The following FRMD4A variants were observed in gnomAD, a reference collection of about 807,000 sequenced individuals.
FRMD4A encodes FERM domain containing 4A, also known as FERM domain-containing protein 4A.
In FRMD4A, 29 loss-of-function variants were observed where a neutral mutation model predicts 129.1. The observed-to-expected ratio is 0.22, with a 90% CI of 0.17 to 0.31. The LOEUF is 0.31. FRMD4A is among the 10% of genes least tolerant of loss of function. The pLI, the probability that FRMD4A is intolerant of heterozygous loss-of-function variation, is 1.00. For synonymous variants in FRMD4A, 634 were observed against 571.6 expected, an observed-to-expected ratio of 1.11 and a Z score of -1.56; for missense variants, 1,272 against 1,375.8, an observed-to-expected ratio of 0.92 and a Z score of 1.19.
intron 2 of FRMD4A, among the ~76,000 whole-genome samples, chr10:14,226,471 T>C (rs965197807): frequency 6.6e-6 from 1 of 152,210 alleles, no homozygotes; most frequent in African/African-American, 2.4e-5. Context: ...ATGTACAGTC[T>C]CACAGTTCTG....
intron 2 of FRMD4A, among the ~76,000 whole-genome samples, chr10:13,905,158 C>T (rs1407519299): frequency 6.6e-6 from 1 of 152,040 alleles, no homozygotes; most frequent in East Asian, 1.9e-4. Flanking sequence ...AACAATAAAG[C>T]CCACTTTTTT....
At chr10:13,848,595 A>AGTGTGTGTGTGTACGT (rs1414355504) in intron 3 of FRMD4A, among the ~76,000 whole-genome samples, 1 of 134,286 alleles carries the variant, frequency 7.4e-6, no homozygotes, top group Non-Finnish European at 1.6e-5. Context: ...CCTGGGTGTG[A>AGTGTGTGTGTGTACGT]GTGTGTGTGT....
chr10:13,808,880 C>CA (rs2093400633), intron 4 of FRMD4A, among the ~76,000 whole-genome samples: 1 of 152,146 alleles, frequency 6.6e-6, no homozygotes, highest in African/African-American at 2.4e-5. Context: ...AAGGATGGCT[C>CA]ACTCCTCTTC....
chr10:13,967,059 C>A (rs927802303), intron 2 of FRMD4A, among the ~76,000 whole-genome samples: 1 of 152,200 alleles, frequency 6.6e-6, no homozygotes, highest in Non-Finnish European at 1.5e-5. Context: ...CACAACGGGC[C>A]GGGCGCGGTG....
intron 2 of FRMD4A, among the ~76,000 whole-genome samples, chr10:14,034,186 C>G (rs1426553733): frequency 1.3e-5 from 2 of 152,214 alleles, no homozygotes; most frequent in Non-Finnish European, 2.9e-5. Flanking sequence ...TGTACCCTGC[C>G]TTTCCCTAGA....
In FRMD4A at chr10:13,761,738, TATA is replaced by T; in HGVS notation, c.442-72_442-70del. 2.9e-6 allele frequency: 3 copies of T among 1,027,066 alleles called. No individual in the cohort carries two copies. The South Asian group carries it at 4.2e-5, about 14-fold the overall frequency. 63.6% of individuals were successfully genotyped at this position (1,027,066 alleles called of 1,614,324 possible). A position where few individuals can be genotyped will look rare whatever the true frequency, so the allele number is the denominator to read the frequency against. On this transcript the variant is annotated intron_variant, in intron 7 of 24. Transcript: ENST00000357447. ...ATGTTAGAGACTCTAAAGTACATTC[TATA>T]ATCATGAGAGTTTCTCTACTGAATG...
At chr10:14,245,880 T>A (rs1038768499) in intron 2 of FRMD4A, among the ~76,000 whole-genome samples, 2 of 152,138 alleles carry the variant, frequency 1.3e-5, no homozygotes, top group African/African-American at 4.8e-5. Context: ...ACAAGCTCCT[T>A]CCAGTGCGGG....
At chr10:14,093,932 T>C (rs971859371) in intron 2 of FRMD4A, among the ~76,000 whole-genome samples, 1 of 152,218 alleles carries the variant, frequency 6.6e-6, no homozygotes, top group Admixed American at 6.5e-5. Flanking sequence ...AAAGAAACCA[T>C]AGCTGGGAAG....
intron 2 of FRMD4A, among the ~76,000 whole-genome samples, chr10:14,203,573 A>C (rs1053344681): frequency 2.0e-5 from 3 of 152,206 alleles, no homozygotes; most frequent in Non-Finnish European, 2.9e-5. Flanking sequence ...ACAGACATTA[A>C]CTCGGCTAAA....
intron 6 of FRMD4A, among the ~76,000 whole-genome samples, chr10:13,780,354 G>A (rs553256814): frequency 6.6e-6 from 1 of 151,630 alleles, no homozygotes; most frequent in Non-Finnish European, 1.5e-5. Context: ...TCTTTTAGTC[G>A]CAGTTCCTAA....
intron 2 of FRMD4A, among the ~76,000 whole-genome samples, chr10:13,951,511 A>G (rs2095370207): frequency 6.6e-6 from 1 of 152,158 alleles, no homozygotes; most frequent in Admixed American, 6.5e-5. Flanking sequence ...AGGGCTGGAG[A>G]GTACAGATGA....
chr10:13,776,179 G>A (rs569295731), intron 6 of FRMD4A, among the ~76,000 whole-genome samples: 2 of 152,008 alleles, frequency 1.3e-5, no homozygotes, highest in Non-Finnish European at 2.9e-5. Flanking sequence ...CTGGACTCTT[G>A]GACTCACTGC....
intron 3 of FRMD4A, among the ~76,000 whole-genome samples, chr10:13,851,905 TAAAA>T (rs34091812): frequency 7.0e-6 from 1 of 142,676 alleles, no homozygotes; most frequent in African/African-American, 2.6e-5. Flanking sequence ...TCTCAAAAAT[TAAAA>T]AAAAAAAAAA....
intron 3 of FRMD4A, among the ~76,000 whole-genome samples, chr10:13,857,644 T>C (rs1215574805): frequency 1.3e-5 from 2 of 152,008 alleles, no homozygotes; most frequent in Non-Finnish European, 1.5e-5. Flanking sequence ...TGCATGCGAG[T>C]TTCCCCTTCG....
chr10:14,301,890 T>G (rs1225207099), intron 2 of FRMD4A, among the ~76,000 whole-genome samples: 1 of 152,024 alleles, frequency 6.6e-6, no homozygotes, highest in South Asian at 2.1e-4. Flanking sequence ...CCCTGGATGG[T>G]TGGGTGCAGG....
rs998230575 is a variant in FRMD4A at position 13,702,535 on chromosome 10, T to C, written c.837-1057A>G. ...TGCAAATGAAATCTAAGAATGTGTG[T>C]TTGCATGTGTGTGTGTGTGTGTGTG... is the stretch of plus-strand genomic sequence containing the variant. On this transcript the variant is annotated intron_variant, in intron 13 of 24. Coordinates refer to ENST00000357447, the MANE Select transcript of FRMD4A (RefSeq NM_018027.5). 4.5e-5 allele frequency among the ~76,000 whole-genome samples: 5 copies of C among 110,960 alleles called. No homozygotes were observed. In the Admixed American group the frequency reaches 4.9e-4, roughly 11 times the overall value. The allele number at this position is 110,960 out of a possible 152,430, so 72.8% of individuals were successfully genotyped here.
intron 2 of FRMD4A, among the ~76,000 whole-genome samples, chr10:14,104,607 C>A (rs1037727354): frequency 3.3e-5 from 5 of 152,202 alleles, no homozygotes; most frequent in African/African-American, 9.6e-5. Flanking sequence ...AACCCCAGCC[C>A]GACCTGAGTA....
intron 2 of FRMD4A, among the ~76,000 whole-genome samples, chr10:14,217,369 A>T (rs573758474): frequency 1.1e-4 from 16 of 152,252 alleles, no homozygotes; most frequent in Admixed American, 3.9e-4. Context: ...GGTTTCCCCC[A>T]TAATGTTTTC....
At chr10:14,081,690 G>A (rs184166638) in intron 2 of FRMD4A, among the ~76,000 whole-genome samples, 279 of 152,292 alleles carry the variant, frequency 1.8e-3, no homozygotes, top group African/African-American at 6.3e-3. Context: ...TCTGTGCCAA[G>A]CACTAGACAT....
Sources: allele counts gnomAD v4.1 joint callset (sites outside exome capture counted in the v4.1 genomes callset), GRCh38; gene constraint gnomAD v4.1.1; transcripts MANE v1.5; gene names NCBI Gene and HGNC (gene_info 2026-07-23, HGNC 2026-07-21).